Variants in DYNC2LI1 observed in about 807,000 individuals in gnomAD.
The protein encoded by DYNC2LI1 is dynein cytoplasmic 2 light intermediate chain 1.
DYNC2LI1 carries 45 observed loss-of-function variants against 51.9 expected under a neutral mutation model. The observed-to-expected ratio is 0.87, with a 90% CI of 0.68 to 1.11. The LOEUF (loss-of-function observed/expected upper bound fraction) is 1.11, where lower values mean the gene tolerates loss of function less well. Ranked by LOEUF, DYNC2LI1 falls within the 50% of genes most tolerant of loss-of-function variation. DYNC2LI1 has a pLI of 0.00. For missense variants in DYNC2LI1, 490 were observed against 417.4 expected (o/e 1.17, Z -1.51); for synonymous variants, 130 against 137.8 (o/e 0.94, Z 0.40).
Position 43,774,045 on chromosome 2 carries a change from C to A in DYNC2LI1, c.-94C>A. 2 of 1,546,432 alleles carry A rather than the reference C, an allele frequency of 1.3e-6. No individual in the cohort carries two copies. The highest frequency in any genetic ancestry group is 1.2e-5 in the South Asian group (1 of 84,748). On this transcript the variant is annotated 5_prime_UTR_variant, in exon 1 of 13. Transcript: ENST00000260605. ...GTCGCTCCCATGGCAACCCAGAAGG[C>A]CTCACTCCCAGACTCCTTGCGGAGC...
rs181790330 is a variant in DYNC2LI1, at chr2:43,775,180, G to A, written c.8+1034G>A. Among the ~76,000 whole-genome samples, 13 of 152,238 alleles carry A rather than the reference G, an allele frequency of 8.5e-5. No homozygotes were observed. The East Asian group carries it at 9.7e-4, about 11-fold the overall frequency. On this transcript the variant is annotated intron_variant, in intron 1 of 12. Transcript: ENST00000260605. ...TTTTTAGAGATAGAGAAACAATTGA[G>A]CCTGGGGAATAGCACAGAGGATTGC... is the stretch of plus-strand genomic sequence containing the variant.
At chr2:43,826,627 A>G in the DYNC2LI1 span, 3 of 1,542,300 alleles carry the variant, frequency 1.9e-6, no homozygotes, top group Non-Finnish European at 2.7e-6. Context: ...ACCCCATTCA[A>G]ACAGTGTGCG....
rs1666077264 is a variant in DYNC2LI1 at position 43,801,541 on chromosome 2, G to T, written c.732-98G>T. ...GCAATGCTCTCATTAGTGGCTAAATGTAAAACTAGCCGATAATATTGCTGT... is the reference window on the plus strand; with the variant it reads ...GCAATGCTCTCATTAGTGGCTAAATTTAAAACTAGCCGATAATATTGCTGT... On this transcript the variant is annotated intron_variant, in intron 9 of 12. Transcript: ENST00000260605. The T allele has an allele frequency of 2.3e-5, 19 of 832,078 alleles. No individual in the cohort carries two copies. In the South Asian group the frequency reaches 3.2e-4, roughly 14 times the overall value. The allele number at this position is 832,078 out of a possible 1,614,324, so 51.5% of individuals were successfully genotyped here.
chr2:43,804,780 C>A, intron 11 of DYNC2LI1, 41 bp downstream of exon 11: 1 of 1,291,420 alleles, frequency 7.7e-7, no homozygotes, highest in South Asian at 1.3e-5. Context: ...ACTTTTAGCA[C>A]TGTCTAACAG....
chr2:43,805,873 CT>C (rs1373652582), intron 12 of DYNC2LI1, among the ~76,000 whole-genome samples: 1 of 151,240 alleles, frequency 6.6e-6, no homozygotes, highest in African/African-American at 2.4e-5. Context: ...TTAGATTTTT[CT>C]TTTCTTTTTC....
chr2:43,786,993 A>C (rs931334852), intron 3 of DYNC2LI1, among the ~76,000 whole-genome samples, 188 bp from the exon 4 acceptor site: 2 of 152,224 alleles, frequency 1.3e-5, no homozygotes, highest in African/African-American at 4.8e-5. Flanking sequence ...TGTGCTGTTA[A>C]AATCCACTAA....
intron 5 of DYNC2LI1, among the ~76,000 whole-genome samples, chr2:43,790,906 T>C (rs1251568062): frequency 6.6e-6 from 1 of 151,986 alleles, no homozygotes; most frequent in Non-Finnish European, 1.5e-5. Context: ...TAGTGCCTAG[T>C]GGTGTGGTTG....
chr2:43,822,472 CCCCAGG>C, the DYNC2LI1 span: 13 of 677,276 alleles, frequency 1.9e-5, no homozygotes, highest in Non-Finnish European at 2.3e-5. Context: ...TTCTCCCCTC[CCCCAGG>C]CCCCCCCCCA....
the DYNC2LI1 span, among the ~76,000 whole-genome samples, chr2:43,827,231 A>G: frequency 2.0e-5 from 3 of 151,860 alleles, no homozygotes; most frequent in Admixed American, 6.6e-5. Context: ...AGGCTGAGGC[A>G]GGAGAATCGC....
In DYNC2LI1 at chr2:43,774,130, C is replaced by G; in HGVS notation, c.-9C>G. On this transcript the variant is annotated 5_prime_UTR_variant, in exon 1 of 13. Coordinates refer to ENST00000260605, the MANE Select transcript of DYNC2LI1 (RefSeq NM_016008.4). ...GCCTGTGACGTTTGCGGCAGCCAGG[C>G]CGTCGACGATGCCCAGGTATTCCCT... is the stretch of plus-strand genomic sequence containing the variant. The G allele has an allele frequency of 2.5e-6, 4 of 1,613,912 alleles. No homozygotes were observed. The highest frequency in any genetic ancestry group is 3.4e-6 in the Non-Finnish European group (4 of 1,179,956).
rs562434916 is a variant in DYNC2LI1, at chr2:43,774,875, A to G, written c.8+729A>G. Among the ~76,000 whole-genome samples the G allele has an allele frequency of 7.9e-5, 12 of 152,286 alleles. No homozygotes were observed. In the East Asian group the frequency reaches 2.1e-3, roughly 27 times the overall value. On this transcript the variant is annotated intron_variant, in intron 1 of 12. Transcript: ENST00000260605. ...CCTCCGTCTTTCCTCTCTGCTAGGT[A>G]TTTGGAAAGCAGATCCTCATATTTT...
chr2:43,814,662 A>G (rs1016351090), downstream of DYNC2LI1: 4 of 867,902 alleles, frequency 4.6e-6, no homozygotes, highest in Non-Finnish European at 7.5e-6. Flanking sequence ...AAGAAAGGCA[A>G]TCCTTATATT....
intron 12 of DYNC2LI1, among the ~76,000 whole-genome samples, chr2:43,806,966 T>C (rs1350471826): frequency 6.6e-6 from 1 of 152,178 alleles, no homozygotes; most frequent in Non-Finnish European, 1.5e-5. Flanking sequence ...ATTTGTGTGG[T>C]TTTAGACGAA....
At chr2:43,798,484 G>C (rs1476601474) in intron 8 of DYNC2LI1, among the ~76,000 whole-genome samples, 1 of 152,134 alleles carries the variant, frequency 6.6e-6, no homozygotes, top group Non-Finnish European at 1.5e-5. Context: ...ACTTATTTTT[G>C]CCACTAGAGA....
chr2:43,803,238 T>C (rs1186894310), intron 10 of DYNC2LI1, among the ~76,000 whole-genome samples: 2 of 152,174 alleles, frequency 1.3e-5, no homozygotes, highest in African/African-American at 4.8e-5. Context: ...CATGGCAGCT[T>C]TATGTTTAGT....
At chr2:43,818,437 G>A in the DYNC2LI1 span, among the ~76,000 whole-genome samples, 1 of 152,128 alleles carries the variant, frequency 6.6e-6, no homozygotes, top group African/African-American at 2.4e-5. Context: ...GAGTGAAACT[G>A]TGTTTCAAAA....
chr2:43,812,804 C>A, downstream of DYNC2LI1: 2 of 322,890 alleles, frequency 6.2e-6, no homozygotes, highest in Non-Finnish European at 1.2e-5. Flanking sequence ...TTTTCTGTGC[C>A]TAGAACAAGG....
the DYNC2LI1 span, chr2:43,824,269 G>C: frequency 1.9e-5 from 31 of 1,614,064 alleles, no homozygotes; most frequent in East Asian, 6.0e-4. Context: ...CTTTGGTTTT[G>C]AAAGGAACCA....
chr2:43,792,640 C>T (rs1209943324), intron 5 of DYNC2LI1: 6 of 1,522,146 alleles, frequency 3.9e-6, no homozygotes, highest in Non-Finnish European at 4.4e-6. Flanking sequence ...AACTCTTTAC[C>T]TATTAAACAA....
Sources: allele counts gnomAD v4.1 joint callset (sites outside exome capture counted in the v4.1 genomes callset), GRCh38; gene constraint gnomAD v4.1.1; transcripts MANE v1.5; gene names NCBI Gene and HGNC (gene_info 2026-07-23, HGNC 2026-07-21).